TPTE: variants seen among roughly 807,000 people sequenced by gnomAD.
The protein encoded by TPTE is transmembrane phosphatase with tensin homology, also known as putative tyrosine-protein phosphatase TPTE.
A neutral mutation model predicts 84.1 loss-of-function variants in TPTE; 59 were observed. The observed-to-expected ratio is 0.70, with a 90% confidence interval of 0.57 to 0.87. TPTE has a LOEUF of 0.87. Ranked by LOEUF, TPTE falls within the 40% of genes least tolerant of loss-of-function variation. The pLI, the probability that TPTE is intolerant of heterozygous loss-of-function variation, is 0.00. For synonymous variants in TPTE, 130 were observed against 223.5 expected, an observed-to-expected ratio of 0.58 and a Z score of 3.73; for missense variants, 382 against 659.6, an observed-to-expected ratio of 0.58 and a Z score of 4.61.
chr21:10,560,194 AATT>A (rs1212225453), intron 9 of TPTE, among the ~76,000 whole-genome samples: 5 of 152,304 alleles, frequency 3.3e-5, no homozygotes, highest in Non-Finnish European at 5.9e-5. Flanking sequence ...AAAATTCTAT[AATT>A]ATTAGTAAAG....
At chr21:10,585,677 C>T in intron 17 of TPTE, among the ~76,000 whole-genome samples, 1 of 152,292 alleles carries the variant, frequency 6.6e-6, no homozygotes, top group African/African-American at 2.4e-5. Context: ...GATTTTTTTC[C>T]TTCTTAAGTG....
Position 10,602,068 on chromosome 21 carries a change from A to G in TPTE, c.1367A>G (p.Asn456Ser), listed in dbSNP as rs1339213944. 3.1e-6 allele frequency: 5 copies of G among 1,612,568 alleles called. No individual in the cohort carries two copies. Among genetic ancestry groups the G allele is most frequent in the African/African-American group, 1.3e-5 (1 of 74,934 alleles). ...ISLGKCSVLD[N>S]ITTDKILIDV... ...TGTGTTCATTCATAGGTACTTGATA[A>G]CATTACAACAGACAAAATATTAATT... The change falls in exon 22 of 24, where the codon AAC (asparagine) becomes AGC (serine). Residue 456 changes from asparagine (N) to serine (S), a missense_variant. By Grantham distance (46) the Asn-to-Ser change is conservative. Coordinates refer to ENST00000618007, the MANE Select transcript of TPTE (RefSeq NM_199261.4).
chr21:10,605,635 A>G lies in TPTE; in HGVS notation c.*83A>G, dbSNP rs1979220294. 1 of 1,595,564 alleles carries G rather than the reference A, an allele frequency of 6.3e-7. No individual in the cohort carries two copies. The highest frequency in any genetic ancestry group is 8.5e-7 in the Non-Finnish European group (1 of 1,174,038). On this transcript the variant is annotated 3_prime_UTR_variant, in exon 24 of 24. Coordinates refer to ENST00000618007, the MANE Select transcript of TPTE (RefSeq NM_199261.4). ...TGTTCATATATCCTAAATCTATCCT[A>G]AATGTTCCTTGAAGTATTTATTTAT...
intron 17 of TPTE, among the ~76,000 whole-genome samples, chr21:10,583,077 G>A (rs2075298784): frequency 1.3e-5 from 2 of 152,312 alleles, no homozygotes. Flanking sequence ...TTGCACATGT[G>A]GCCACATTTT....
chr21:10,583,102 C>G (rs1399207751), intron 17 of TPTE, among the ~76,000 whole-genome samples: 2 of 152,310 alleles, frequency 1.3e-5, no homozygotes, highest in South Asian at 4.1e-4. Flanking sequence ...GAATGTATAC[C>G]TCAGAATAAA....
chr21:10,593,536 C>T (rs1341026856), intron 19 of TPTE, among the ~76,000 whole-genome samples: 2 of 152,304 alleles, frequency 1.3e-5, no homozygotes, highest in African/African-American at 4.8e-5. Context: ...GATGTTTATC[C>T]TATAGCATTT....
intron 4 of TPTE, chr21:10,540,605 C>T (rs1168542945): frequency 3.9e-6 from 2 of 515,648 alleles, no homozygotes; most frequent in South Asian, 2.8e-5. Context: ...AATTATTTCA[C>T]CCCCTCCAGA....
chr21:10,588,999 A>G (rs1202293211), intron 17 of TPTE, among the ~76,000 whole-genome samples: 1 of 152,308 alleles, frequency 6.6e-6, no homozygotes, highest in African/African-American at 2.4e-5. Flanking sequence ...GTCATCTCTG[A>G]GTTTTCATTT....
At chr21:10,521,761 G>C (rs867358625) in intron 1 of TPTE, 67 bp downstream of exon 1, 2 of 152,636 alleles carry the variant, frequency 1.3e-5, no homozygotes, top group African/African-American at 2.4e-5. Flanking sequence ...TGTTGGGGGG[G>C]GGTCTTGGAG....
At chr21:10,585,923 C>CT (rs1191626544) in intron 17 of TPTE, among the ~76,000 whole-genome samples, 2 of 152,420 alleles carry the variant, frequency 1.3e-5, no homozygotes, top group East Asian at 3.9e-4. Flanking sequence ...GAGATGTTCC[C>CT]TTTTTTATTC....
At chr21:10,534,909 A>G (rs1439599634) in intron 3 of TPTE, among the ~76,000 whole-genome samples, 1 of 152,312 alleles carries the variant, frequency 6.6e-6, no homozygotes, top group Non-Finnish European at 1.5e-5. Context: ...CTACCAGGTT[A>G]GGCTATATTA....
rs570346358 is a variant in TPTE at position 10,588,494 on chromosome 21, A to C, written c.1028-1968A>C. On this transcript the variant is annotated intron_variant, in intron 17 of 23. Transcript: ENST00000618007. Reference sequence around the variant, plus strand: ...AGTCTGGTGAGTATATGCCTTGGTAATGTTCATTTTTTATAGTATCTCACA... The same window carrying C: ...AGTCTGGTGAGTATATGCCTTGGTACTGTTCATTTTTTATAGTATCTCACA... Among the ~76,000 whole-genome samples, 35 of 152,364 alleles carry C rather than the reference A, an allele frequency of 2.3e-4. No individual in the cohort carries two copies. The South Asian group carries it at 6.5e-3, about 28-fold the overall frequency.
chr21:10,577,578 A>G, intron 15 of TPTE, 58 bp downstream of exon 15: 2 of 1,611,524 alleles, frequency 1.2e-6, no homozygotes, highest in South Asian at 1.1e-5. Context: ...ACTGCACGTA[A>G]GAAGATGATT....
chr21:10,595,492 G>A (rs2075565239), intron 19 of TPTE, among the ~76,000 whole-genome samples: 1 of 152,312 alleles, frequency 6.6e-6, no homozygotes, highest in African/African-American at 2.4e-5. Context: ...CAGAATTGAG[G>A]AAATGCAAAG....
At chr21:10,597,843 C>CTTGAAG (rs1217273243) in intron 20 of TPTE, among the ~76,000 whole-genome samples, 172 bp from the exon 21 acceptor site, 72 of 152,280 alleles carry the variant, frequency 4.7e-4, no homozygotes, top group African/African-American at 1.5e-3. Context: ...CAGAACTGGG[C>CTTGAAG]TTGAAGGCTT....
chr21:10,527,153 T>TCACA (rs1316269731), intron 2 of TPTE, among the ~76,000 whole-genome samples: 1 of 149,446 alleles, frequency 6.7e-6, no homozygotes, highest in African/African-American at 2.5e-5. Context: ...TCTCTCTCTC[T>TCACA]CTCTCACACA....
intron 17 of TPTE, among the ~76,000 whole-genome samples, chr21:10,589,361 G>T (rs1293690100): frequency 1.3e-5 from 2 of 152,430 alleles, no homozygotes; most frequent in East Asian, 3.8e-4. Flanking sequence ...AGAGCTGGCT[G>T]TTGCCAGTGC....
chr21:10,597,607 G>C lies in TPTE; in HGVS notation c.1277-408G>C, dbSNP rs796898879. On this transcript the variant is annotated intron_variant, in intron 20 of 23. Transcript: ENST00000618007. ...TTTTTGTATTTTTAGTAGAGATGGG[G>C]TTTCACCATCTAGGCCACGCTGGTT... is the stretch of plus-strand genomic sequence containing the variant. Among the ~76,000 whole-genome samples, 103 of 152,236 alleles carry C rather than the reference G, an allele frequency of 6.8e-4. No homozygotes were observed. In the South Asian group the frequency reaches 0.022, roughly 32 times the overall value.
intron 2 of TPTE, among the ~76,000 whole-genome samples, chr21:10,526,099 T>G (rs566608506): frequency 6.6e-6 from 1 of 152,424 alleles, no homozygotes; most frequent in Admixed American, 6.5e-5. Flanking sequence ...GACAATCCAA[T>G]TATTCATCCT....
Sources: gnomAD v4.1 joint callset for allele counts (sites outside exome capture counted in the v4.1 genomes callset) on GRCh38, gnomAD v4.1.1 for gene constraint, MANE v1.5 for transcripts, NCBI Gene and HGNC (gene_info 2026-07-23, HGNC 2026-07-21) for gene names.